The following SMC2 variants were observed in gnomAD, a reference collection of about 807,000 sequenced individuals.
The protein encoded by SMC2 is structural maintenance of chromosomes protein 2.
In SMC2, 41 loss-of-function variants were observed where a neutral mutation model predicts 142.6. The observed-to-expected ratio is 0.29, with a 90% CI of 0.22 to 0.37. The LOEUF is 0.37. SMC2 is among the 10% of genes least tolerant of loss of function. The pLI is 1.00. For synonymous variants in SMC2, 463 were observed against 457.5 expected (o/e 1.01, Z -0.15); for missense variants, 1,265 against 1,373.7 (o/e 0.92, Z 1.25).
At chr9:104,124,276 G>A (rs1216116984) in intron 17 of SMC2, among the ~76,000 whole-genome samples, 1 of 148,102 alleles carries the variant, frequency 6.8e-6, no homozygotes. Flanking sequence ...TAGTAGAGAT[G>A]AGGTTTTATC....
At chr9:104,116,099 A>C (rs1158452189) in intron 13 of SMC2, 101 bp from the exon 14 acceptor site, 8 of 1,002,104 alleles carry the variant, frequency 8.0e-6, no homozygotes, top group Non-Finnish European at 1.1e-5. Flanking sequence ...ATTGGGATAA[A>C]TGGCACTAAA....
the SMC2 span, among the ~76,000 whole-genome samples, chr9:104,089,047 G>A: frequency 6.6e-6 from 1 of 152,018 alleles, no homozygotes; most frequent in Non-Finnish European, 1.5e-5. Context: ...AAGTAGGTTG[G>A]GAACAGACAA....
chr9:104,100,678 C>T (rs1196707796), intron 7 of SMC2, among the ~76,000 whole-genome samples: 1 of 152,116 alleles, frequency 6.6e-6, no homozygotes, highest in Non-Finnish European at 1.5e-5. Flanking sequence ...AATTTTAATA[C>T]TTTATTTAAG....
At chr9:104,098,638 ATAGAAGTACTT>A (rs1300505723) in intron 4 of SMC2, 70 bp downstream of exon 4, 11 of 1,412,138 alleles carry the variant, frequency 7.8e-6, no homozygotes, top group African/African-American at 1.5e-5. Context: ...AGCAATTAAA[ATAGAAGTACTT>A]TATGTTTTGG....
At chr9:104,103,291 T>C (rs1051134992) in intron 9 of SMC2, among the ~76,000 whole-genome samples, 8 of 152,090 alleles carry the variant, frequency 5.3e-5, no homozygotes, top group Non-Finnish European at 8.8e-5. Flanking sequence ...CTGATTAGAT[T>C]GTGTTCATAC....
chr9:104,094,287 T>A (rs952130929), upstream of SMC2: 1 of 398,302 alleles, frequency 2.5e-6, no homozygotes, highest in African/African-American at 2.1e-5. Context: ...GGAGGTGGGG[T>A]CCTTTGCTCG....
chr9:104,100,163 CTA>C lies in SMC2; in HGVS notation c.554_555del (p.Ile185ArgfsTer6). On this transcript the variant is annotated frameshift_variant, in exon 6 of 25. Transcript: ENST00000374793. LOFTEE classifies it high-confidence loss of function. The stretch of plus-strand genomic sequence containing the variant: ...TACAAAAAAATAGCTGCACAGAAAA[CTA>C]TAGAAAAAAAGGAGGCTAAGCTGAA... 1 of 1,574,780 alleles carries C rather than the reference CTA, an allele frequency of 6.4e-7. No homozygotes were observed. Among genetic ancestry groups the C allele is most frequent in the Non-Finnish European group, 8.6e-7 (1 of 1,169,224 alleles).
chr9:104,112,354 A>T (rs1004511676), intron 10 of SMC2, among the ~76,000 whole-genome samples: 4 of 152,194 alleles, frequency 2.6e-5, no homozygotes, highest in African/African-American at 9.7e-5. Flanking sequence ...TTGTCAGTCT[A>T]TTATAATGTT....
At chr9:104,104,902 C>T (rs1173955510) in intron 9 of SMC2, among the ~76,000 whole-genome samples, 3 of 152,196 alleles carry the variant, frequency 2.0e-5, no homozygotes, top group African/African-American at 7.2e-5. Context: ...ATCAGGCCTG[C>T]CTGGAGCACT....
At chr9:104,112,999 CTTTT>C (rs1313163187) in intron 10 of SMC2, among the ~76,000 whole-genome samples, 1 of 152,024 alleles carries the variant, frequency 6.6e-6, no homozygotes, top group Non-Finnish European at 1.5e-5. Context: ...TTCTAGCGTT[CTTTT>C]TTTAATTACC....
At position 104,101,948 on chromosome 9, in the gene SMC2, TTTCTC is replaced by T; in HGVS notation, c.637-9_637-5del. On this transcript the variant is annotated splice_region_variant and splice_polypyrimidine_tract_variant and intron_variant, in intron 7 of 24. Coordinates refer to ENST00000374793, the MANE Select transcript of SMC2 (RefSeq NM_006444.3). ...ATTTTGAGTTATTCTTTTTTTGTGA[TTTCTC>T]TTTCAGGAAAGATCGTCCTACTTGG... 6.7e-7 allele frequency: 1 copy of T among 1,486,636 alleles called. No homozygotes were observed. Among genetic ancestry groups the T allele is most frequent in the Non-Finnish European group, 9.2e-7 (1 of 1,089,836 alleles). The allele number at this position is 1,486,636 out of a possible 1,614,324, so 92.1% of individuals were successfully genotyped here.
At chr9:104,136,843 T>C (rs1352215627) in intron 23 of SMC2, among the ~76,000 whole-genome samples, 14 of 151,014 alleles carry the variant, frequency 9.3e-5, no homozygotes, top group Non-Finnish European at 7.4e-5. Flanking sequence ...AATAGCCCTA[T>C]TAGAATGCAG....
intron 9 of SMC2, among the ~76,000 whole-genome samples, chr9:104,104,126 C>G (rs912728823): frequency 5.9e-5 from 9 of 152,142 alleles, no homozygotes; most frequent in Non-Finnish European, 1.3e-4. Flanking sequence ...TATAAACTCT[C>G]ACGCCATAGG....
intron 18 of SMC2, among the ~76,000 whole-genome samples, chr9:104,125,336 A>AAGGAAATGTTCATTG (rs1193754583): frequency 2.0e-4 from 30 of 152,162 alleles, no homozygotes; most frequent in Non-Finnish European, 3.4e-4. Context: ...CTGAGGCTCA[A>AAGGAAATGTTCATTG]AGGAAATGTT....
intron 9 of SMC2, among the ~76,000 whole-genome samples, chr9:104,106,628 G>C (rs1831821086): frequency 6.6e-6 from 1 of 152,092 alleles, no homozygotes. Context: ...CCCGACCTCA[G>C]GTGATCCACC....
At chr9:104,136,388 TC>T (rs2131572341) in intron 23 of SMC2, among the ~76,000 whole-genome samples, 1 of 152,250 alleles carries the variant, frequency 6.6e-6, no homozygotes, top group African/African-American at 2.4e-5. Flanking sequence ...TGCTGCCTGT[TC>T]ATAAAAATTG....
chr9:104,097,352 C>T (rs1458556687), intron 3 of SMC2, among the ~76,000 whole-genome samples: 2 of 151,378 alleles, frequency 1.3e-5, no homozygotes, highest in East Asian at 1.9e-4. Context: ...ATGATCTGCC[C>T]GCCTTGGCCT....
rs770346055 is a variant in SMC2 at position 104,096,197 on chromosome 9, G to A, written c.218G>A (p.Gly73Asp). The A allele has an allele frequency of 1.2e-6, 2 of 1,613,856 alleles. No individual in the cohort carries two copies. The highest frequency in any genetic ancestry group is 1.7e-6 in the Non-Finnish European group (2 of 1,179,780). Residue 73 changes from glycine (G) to aspartate (D), a missense_variant, in exon 3 of 25, where the codon GGT (glycine) becomes GAT (aspartate). Gly to Asp is a moderately conservative substitution (Grantham distance 94). Coordinates refer to ENST00000374793, the MANE Select transcript of SMC2 (RefSeq NM_006444.3). ...TTAGTTTACAAAAATGGGCAGGCTGGTATTACCAAAGCCTCTGTGTCAATC... is the reference window on the plus strand; with the variant it reads ...TTAGTTTACAAAAATGGGCAGGCTGATATTACCAAAGCCTCTGTGTCAATC... ...QDLVYKNGQA[G>D]ITKASVSITF...
At chr9:104,102,234 A>T in intron 8 of SMC2, 41 bp downstream of exon 8, 1 of 1,229,124 alleles carries the variant, frequency 8.1e-7, no homozygotes, top group Non-Finnish European at 1.1e-6. Context: ...TACTCTGTGA[A>T]AAACGTACTA....
Sources: gnomAD v4.1 joint callset for allele counts (sites outside exome capture counted in the v4.1 genomes callset) on GRCh38, gnomAD v4.1.1 for gene constraint, MANE v1.5 for transcripts, NCBI Gene and HGNC (gene_info 2026-07-23, HGNC 2026-07-21) for gene names.